Variants in HSD17B12 observed in about 807,000 individuals in gnomAD.
HSD17B12 encodes very-long-chain 3-oxoacyl-CoA reductase.
A neutral mutation model predicts 39.3 loss-of-function variants in HSD17B12; 32 were observed. The observed-to-expected ratio is 0.81, with a 90% CI of 0.61 to 1.09. The LOEUF is 1.09. Ranked by LOEUF, HSD17B12 falls within the 50% of genes least tolerant of loss-of-function variation. The pLI is 0.00. For missense variants in HSD17B12, 342 were observed against 382.9 expected, an observed-to-expected ratio of 0.89 and a Z score of 0.89; for synonymous variants, 150 against 146.7, an observed-to-expected ratio of 1.02 and a Z score of -0.16.
chr11:43,594,414 A>C, the HSD17B12 span, among the ~76,000 whole-genome samples: 1 of 152,108 alleles, frequency 6.6e-6, no homozygotes, highest in Non-Finnish European at 1.5e-5. Context: ...TTCAATATAG[A>C]AAAAAAAGTA....
chr11:43,598,644 C>A, the HSD17B12 span, among the ~76,000 whole-genome samples: 1 of 152,136 alleles, frequency 6.6e-6, no homozygotes, highest in African/African-American at 2.4e-5. Flanking sequence ...ATCATTGTCC[C>A]TAAGCCCTCT....
chr11:43,797,990 A>G (rs1193569973), intron 3 of HSD17B12, among the ~76,000 whole-genome samples: 4 of 152,238 alleles, frequency 2.6e-5, no homozygotes, highest in Non-Finnish European at 4.4e-5. Flanking sequence ...TAAAGAGTAT[A>G]TAACTTTATG....
chr11:43,681,046 C>G (rs1388967855), intron 1 of HSD17B12, 59 bp downstream of exon 1: 10 of 1,492,174 alleles, frequency 6.7e-6, no homozygotes, highest in Admixed American at 2.5e-5. Context: ...AGGCCTGGGC[C>G]GTGATGACTA....
the HSD17B12 span, chr11:43,644,544 GT>G: frequency 1.3e-5 from 2 of 152,568 alleles, no homozygotes; most frequent in African/African-American, 2.4e-5. Context: ...GGCATATGGG[GT>G]TGTGCTTTCT....
the HSD17B12 span, among the ~76,000 whole-genome samples, chr11:43,605,201 C>G: frequency 2.0e-5 from 3 of 152,070 alleles, no homozygotes; most frequent in African/African-American, 7.2e-5. Context: ...TTTGTCCCTT[C>G]CCTTCCCATT....
intron 1 of HSD17B12, among the ~76,000 whole-genome samples, chr11:43,692,452 G>A (rs985616628): frequency 6.6e-6 from 1 of 152,108 alleles, no homozygotes. Context: ...TTGGTAACAG[G>A]CTAACCTTTC....
intron 1 of HSD17B12, among the ~76,000 whole-genome samples, chr11:43,690,387 TATA>T (rs1259851737): frequency 0.04 from 769 of 19,266 alleles, 142 homozygotes; most frequent in Admixed American, 0.16. Context: ...TATATATATA[TATA>T]TATATATATA....
chr11:43,611,450 G>T, the HSD17B12 span, among the ~76,000 whole-genome samples: 346 of 152,192 alleles, frequency 2.3e-3, 7 homozygotes, highest in East Asian at 0.043. Context: ...ACTTGCACAG[G>T]GCCAGTTCTG....
At chr11:43,650,334 G>A in the HSD17B12 span, among the ~76,000 whole-genome samples, 42 of 152,288 alleles carry the variant, frequency 2.8e-4, no homozygotes, top group African/African-American at 9.4e-4. Flanking sequence ...TTATTTCAAA[G>A]AGGAAATACA....
intron 3 of HSD17B12, among the ~76,000 whole-genome samples, chr11:43,770,803 T>C (rs919431040): frequency 1.9e-4 from 29 of 152,218 alleles, no homozygotes; most frequent in African/African-American, 7.0e-4. Flanking sequence ...GCAGGACATC[T>C]AAAGAGAAAT....
the HSD17B12 span, among the ~76,000 whole-genome samples, chr11:43,650,186 G>A: frequency 6.6e-6 from 1 of 152,010 alleles, no homozygotes; most frequent in Admixed American, 6.6e-5. Flanking sequence ...TTTGATAATG[G>A]GTACAATTTG....
chr11:43,557,670 G>A, the HSD17B12 span, among the ~76,000 whole-genome samples: 6 of 152,202 alleles, frequency 3.9e-5, no homozygotes, highest in Non-Finnish European at 8.8e-5. Context: ...AGGGCTGGTT[G>A]TGTAGAGGAA....
intron 1 of HSD17B12, among the ~76,000 whole-genome samples, chr11:43,687,171 T>C (rs927518362): frequency 2.0e-5 from 3 of 152,238 alleles, no homozygotes; most frequent in African/African-American, 7.2e-5. Flanking sequence ...CTTTATTTCA[T>C]TTCCCTTCTT....
At chr11:43,616,041 G>T in the HSD17B12 span, among the ~76,000 whole-genome samples, 2 of 152,048 alleles carry the variant, frequency 1.3e-5, no homozygotes, top group Admixed American at 1.3e-4. Context: ...AAGAGAAGGG[G>T]GAAAAGAGAT....
At chr11:43,703,498 T>G (rs1234056200) in intron 1 of HSD17B12, among the ~76,000 whole-genome samples, 1 of 152,208 alleles carries the variant, frequency 6.6e-6, no homozygotes, top group Non-Finnish European at 1.5e-5. Context: ...CCGGCCAAAC[T>G]TCTTTAAATA....
At chr11:43,585,059 A>T in the HSD17B12 span, among the ~76,000 whole-genome samples, 2 of 152,122 alleles carry the variant, frequency 1.3e-5, no homozygotes, top group Non-Finnish European at 2.9e-5. Flanking sequence ...GGCCCAAGGG[A>T]TGTGCAGAGT....
chr11:43,733,536 G>A (rs1950288359), intron 1 of HSD17B12, among the ~76,000 whole-genome samples: 1 of 152,156 alleles, frequency 6.6e-6, no homozygotes, highest in Non-Finnish European at 1.5e-5. Flanking sequence ...CCGAACTTAG[G>A]ATTCTCTGTA....
At chr11:43,655,704 C>T in the HSD17B12 span, among the ~76,000 whole-genome samples, 8 of 152,080 alleles carry the variant, frequency 5.3e-5, no homozygotes, top group Admixed American at 1.3e-4. Context: ...TGCTGGATTA[C>T]GTTTATTGAT....
the HSD17B12 span, among the ~76,000 whole-genome samples, chr11:43,627,790 C>T: frequency 6.6e-6 from 1 of 151,820 alleles, no homozygotes; most frequent in Non-Finnish European, 1.5e-5. Flanking sequence ...GCTACTTTTA[C>T]TGTAAATAAT....
Sources: gnomAD v4.1 joint callset for allele counts (sites outside exome capture counted in the v4.1 genomes callset) on GRCh38, gnomAD v4.1.1 for gene constraint, MANE v1.5 for transcripts, NCBI Gene and HGNC (gene_info 2026-07-23, HGNC 2026-07-21) for gene names.